Variants in DGKI observed in about 807,000 individuals in gnomAD.
DGKI encodes the protein DAG kinase iota.
A neutral mutation model predicts 147.5 loss-of-function variants in DGKI; 55 were observed. That is an observed-to-expected ratio of 0.37 (90% CI 0.30 to 0.47). The LOEUF (loss-of-function observed/expected upper bound fraction) is 0.47. Ranked by LOEUF, DGKI falls within the 20% of genes least tolerant of loss-of-function variation. The pLI, the probability that DGKI is intolerant of heterozygous loss-of-function variation, is 1.00. For synonymous variants in DGKI, 469 were observed against 477.1 expected (o/e 0.98, Z 0.22); for missense variants, 1,007 against 1,323.8 (o/e 0.76, Z 3.71).
At chr7:137,584,688 T>A (rs1307763345) in intron 14 of DGKI, among the ~76,000 whole-genome samples, 2 of 152,176 alleles carry the variant, frequency 1.3e-5, no homozygotes, top group Non-Finnish European at 2.9e-5. Context: ...GCAGTTTGAA[T>A]CTAAAATAAA....
chr7:137,519,083 T>C (rs1474533362), intron 21 of DGKI, among the ~76,000 whole-genome samples: 1 of 152,054 alleles, frequency 6.6e-6, no homozygotes, highest in Non-Finnish European at 1.5e-5. Context: ...GTCTGAAATT[T>C]ACCAGCAAGA....
At chr7:137,693,794 T>C (rs1290797900) in intron 1 of DGKI, among the ~76,000 whole-genome samples, 2 of 152,238 alleles carry the variant, frequency 1.3e-5, no homozygotes, top group Admixed American at 1.3e-4. Context: ...TACATTTCAG[T>C]GATATTCTTG....
intron 20 of DGKI, among the ~76,000 whole-genome samples, chr7:137,550,798 CA>C (rs1818019704): frequency 6.6e-6 from 1 of 152,160 alleles, no homozygotes; most frequent in East Asian, 1.9e-4. Flanking sequence ...TTAGATTCTG[CA>C]TATCTTCTTA....
chr7:137,732,943 A>C (rs961383388), intron 1 of DGKI, among the ~76,000 whole-genome samples: 2 of 151,702 alleles, frequency 1.3e-5, no homozygotes, highest in African/African-American at 4.8e-5. Flanking sequence ...TCAATCACTC[A>C]TCAGTATCAT....
intron 23 of DGKI, among the ~76,000 whole-genome samples, chr7:137,482,587 C>A (rs574995338): frequency 6.6e-6 from 1 of 151,946 alleles, no homozygotes; most frequent in Non-Finnish European, 1.5e-5. Context: ...ACTAATACGG[C>A]TAACACAGAA....
intron 28 of DGKI, among the ~76,000 whole-genome samples, chr7:137,441,006 T>G (rs1428882628): frequency 6.6e-6 from 1 of 152,126 alleles, no homozygotes; most frequent in Admixed American, 6.5e-5. Flanking sequence ...TTCTCTCCCG[T>G]CCTCTTTAAA....
chr7:137,439,673 C>A (rs1302248844), intron 28 of DGKI, among the ~76,000 whole-genome samples: 1 of 152,194 alleles, frequency 6.6e-6, no homozygotes, highest in Admixed American at 6.5e-5. Context: ...ACAGCCGTCT[C>A]CAAGCCTGAC....
intron 17 of DGKI, among the ~76,000 whole-genome samples, chr7:137,573,173 A>C (rs1818850726): frequency 6.6e-6 from 1 of 152,208 alleles, no homozygotes. Context: ...TCAACATTAA[A>C]AGATTTATGA....
intron 1 of DGKI, among the ~76,000 whole-genome samples, chr7:137,814,277 G>C (rs77111385): frequency 6.6e-6 from 1 of 152,100 alleles, no homozygotes; most frequent in Non-Finnish European, 1.5e-5. Context: ...CACTGGAATG[G>C]AACACCGTCA....
chr7:137,804,814 C>A lies in DGKI; in HGVS notation c.401+41648G>T, dbSNP rs182889017. On this transcript the variant is annotated intron_variant, in intron 1 of 32. Transcript: ENST00000614521. ...ATCCTTTGGGAGTAGAATAAAATTT[C>A]TATCTATTTAGTCTAATCTTACTTT... is the stretch of plus-strand genomic sequence containing the variant. Among the ~76,000 whole-genome samples the A allele has an allele frequency of 5.7e-4, 87 of 152,302 alleles. 1 individual carries two copies. Among genetic ancestry groups the A allele is most frequent in the Non-Finnish European group, 1.2e-4 (8 of 68,022 alleles).
chr7:137,449,428 T>C (rs534660222), intron 27 of DGKI, among the ~76,000 whole-genome samples: 1 of 152,262 alleles, frequency 6.6e-6, no homozygotes, highest in African/African-American at 2.4e-5. Context: ...GAAAAGCATA[T>C]ATCTAAATGC....
chr7:137,691,543 C>T (rs1366628267), intron 1 of DGKI, among the ~76,000 whole-genome samples: 5 of 152,246 alleles, frequency 3.3e-5, no homozygotes, highest in South Asian at 4.2e-4. Context: ...AAGAAACTTG[C>T]CCCATATAAA....
intron 1 of DGKI, among the ~76,000 whole-genome samples, chr7:137,809,988 G>C (rs992133589): frequency 6.6e-6 from 1 of 152,176 alleles, no homozygotes; most frequent in African/African-American, 2.4e-5. Context: ...GCCATAAAAT[G>C]GTGCAGGAGT....
chr7:137,780,916 C>T (rs951873156), intron 1 of DGKI, among the ~76,000 whole-genome samples: 7 of 152,194 alleles, frequency 4.6e-5, no homozygotes, highest in African/African-American at 7.2e-5. Flanking sequence ...TGGGGCTTGC[C>T]GCTTCACCTC....
chr7:137,770,665 C>T lies in DGKI; in HGVS notation c.401+75797G>A, dbSNP rs1350945667. ...TCTCCTGCCTCAGCCTCCCAAGTAG[C>T]TGGGACTACAGGCGCCCGCCACTAC... On this transcript the variant is annotated intron_variant, in intron 1 of 32. Transcript: ENST00000614521. Among the ~76,000 whole-genome samples, 3 of 95,988 alleles carry T rather than the reference C, an allele frequency of 3.1e-5. 1 individual carries two copies. The highest frequency in any genetic ancestry group is 5.6e-5 in the Non-Finnish European group (3 of 53,856). 63.0% of individuals were successfully genotyped at this position (95,988 alleles called of 152,430 possible).
intron 1 of DGKI, among the ~76,000 whole-genome samples, chr7:137,734,943 T>C (rs763917015): frequency 6.6e-6 from 1 of 152,134 alleles, no homozygotes; most frequent in East Asian, 1.9e-4. Flanking sequence ...CTGATCATGA[T>C]GGCTTGTCAA....
Position 137,825,630 on chromosome 7 carries a change from TCA to T in DGKI, c.401+20830_401+20831del, listed in dbSNP as rs1166350575. On this transcript the variant is annotated intron_variant, in intron 1 of 32. Transcript: ENST00000614521. ...CCAACACACAGACACACACACACTC[TCA>T]CACACACACATTCACACGCACTCAC... Among the ~76,000 whole-genome samples the T allele has an allele frequency of 4.6e-5, 7 of 150,912 alleles. No individual in the cohort carries two copies. In the East Asian group the frequency reaches 7.8e-4, roughly 17 times the overall value.
chr7:137,584,971 C>G (rs768280035), intron 14 of DGKI, among the ~76,000 whole-genome samples: 6 of 152,122 alleles, frequency 3.9e-5, no homozygotes, highest in Non-Finnish European at 8.8e-5. Flanking sequence ...AAGTTGAAGA[C>G]AGAGAAGAGC....
chr7:137,834,812 G>A (rs1249004839), intron 1 of DGKI, among the ~76,000 whole-genome samples: 3 of 152,152 alleles, frequency 2.0e-5, no homozygotes, highest in African/African-American at 7.2e-5. Flanking sequence ...TAAAAGGCAG[G>A]GCCAAGGGCT....
Sources: allele counts gnomAD v4.1 joint callset (sites outside exome capture counted in the v4.1 genomes callset), GRCh38; gene constraint gnomAD v4.1.1; transcripts MANE v1.5; gene names NCBI Gene and HGNC (gene_info 2026-07-23, HGNC 2026-07-21).